The following HFM1 variants were observed in gnomAD, a reference collection of about 807,000 sequenced individuals.
HFM1 encodes the protein probable ATP-dependent DNA helicase HFM1.
A neutral mutation model predicts 192.1 loss-of-function variants in HFM1; 169 were observed. That is an observed-to-expected ratio of 0.88 (90% CI 0.78 to 1.00). The LOEUF (loss-of-function observed/expected upper bound fraction) is 1.00, where lower values mean the gene tolerates loss of function less well. HFM1 is among the 50% of genes least tolerant of loss of function. The pLI, the probability that HFM1 is intolerant of heterozygous loss-of-function variation, is 0.00. For synonymous variants in HFM1, 525 were observed against 537.8 expected, an observed-to-expected ratio of 0.98 and a Z score of 0.33; for missense variants, 1,661 against 1,668.0, an observed-to-expected ratio of 1.00 and a Z score of 0.07.
rs761460558 is a variant in HFM1 at position 91,378,381 on chromosome 1, T to G, written c.1236+22A>C. On this transcript the variant is annotated intron_variant, in intron 10 of 38. Coordinates refer to ENST00000370425, the MANE Select transcript of HFM1 (RefSeq NM_001017975.6). ...CTAATTATCCTTTTATGTTTATCTC[T>G]GAAAGCGAATGCATTCATTACCTCA... The G allele has an allele frequency of 5.8e-6, 9 of 1,538,550 alleles. No individual in the cohort carries two copies. The Admixed American group carries it at 1.5e-4, about 26-fold the overall frequency.
At chr1:91,350,404 G>T (rs1417522149) in intron 18 of HFM1, among the ~76,000 whole-genome samples, 1 of 152,002 alleles carries the variant, frequency 6.6e-6, no homozygotes, top group Non-Finnish European at 1.5e-5. Context: ...GTGAGTAGCT[G>T]AACACTAAGT....
At chr1:91,320,459 G>T (rs1030651769) in intron 23 of HFM1, among the ~76,000 whole-genome samples, 8 of 152,250 alleles carry the variant, frequency 5.3e-5, no homozygotes, top group African/African-American at 1.4e-4. Context: ...TGTAAATGGG[G>T]TGCTTTTAAA....
At chr1:91,275,338 CTCAA>C (rs1241670325) in intron 32 of HFM1, among the ~76,000 whole-genome samples, 2 of 152,142 alleles carry the variant, frequency 1.3e-5, no homozygotes, top group East Asian at 1.9e-4. Flanking sequence ...ACTACACCTT[CTCAA>C]TCAAAGATCT....
At chr1:91,356,854 C>T (rs562017813) in intron 13 of HFM1, among the ~76,000 whole-genome samples, 1 of 152,158 alleles carries the variant, frequency 6.6e-6, no homozygotes, top group African/African-American at 2.4e-5. Flanking sequence ...GGATAACCTA[C>T]AGGAAATGGA....
At chr1:91,400,358 G>C (rs1664164569) in intron 2 of HFM1, among the ~76,000 whole-genome samples, 1 of 152,144 alleles carries the variant, frequency 6.6e-6, no homozygotes. Context: ...TCTGTTTCCA[G>C]ATGGTGACGT....
chr1:91,304,903 T>C (rs751485031), intron 30 of HFM1, among the ~76,000 whole-genome samples: 3 of 152,184 alleles, frequency 2.0e-5, no homozygotes, highest in Non-Finnish European at 4.4e-5. Flanking sequence ...CCCAGCCCTA[T>C]TACTTGAAAA....
At chr1:91,332,028 C>A (rs1439979557) in intron 20 of HFM1, among the ~76,000 whole-genome samples, 1 of 152,064 alleles carries the variant, frequency 6.6e-6, no homozygotes, top group Non-Finnish European at 1.5e-5. Context: ...TTCCATATTA[C>A]CCAAAGTAAT....
rs200685742 is a variant in HFM1 at position 91,323,140 on chromosome 1, C to A, written c.2487G>T (p.Lys829Asn). ...CTTTGTTCAAAGTATTCAGTGTTTT[C>A]TTTTCATTTATCCTTAACTGTATAT... is the stretch of plus-strand genomic sequence containing the variant. ...FLDIQLRINE[K>N]KTLNTLNKDP... The change falls in exon 22 of 39, where the codon AAG (lysine) becomes AAT (asparagine). Residue 829 changes from lysine (K) to asparagine (N), a missense_variant. Coordinates refer to ENST00000370425, the MANE Select transcript of HFM1 (RefSeq NM_001017975.6). The A allele has an allele frequency of 6.3e-6, 10 of 1,595,052 alleles. No individual in the cohort carries two copies. In the African/African-American group the frequency reaches 1.3e-4, roughly 21 times the overall value.
rs557206287 is a variant in HFM1, at chr1:91,385,674, C to A, written c.655G>T (p.Val219Leu). 2 of 1,611,704 alleles carry A rather than the reference C, an allele frequency of 1.2e-6. No homozygotes were observed. Among genetic ancestry groups the A allele is most frequent in the East Asian group, 4.5e-5 (2 of 44,822 alleles). ...GAAAAAGCATTATTTGCTGTAAACA[C>A]ATTTGCAGAATACTGAAATTTTTGC... ...SKQKFQYSAN[V>L]FTANNAFSAS... Residue 219 changes from valine to leucine, a missense_variant, in exon 5 of 39, where the codon GTG becomes TTG. Physicochemically the swap from Val to Leu is conservative, Grantham distance 32. Coordinates refer to ENST00000370425, the MANE Select transcript of HFM1 (RefSeq NM_001017975.6).
chr1:91,315,920 C>A lies in HFM1; in HGVS notation c.3035G>T (p.Arg1012Ile). The A allele has an allele frequency of 6.3e-7, 1 of 1,599,484 alleles. No individual in the cohort carries two copies. The highest frequency in any genetic ancestry group is 8.6e-7 in the Non-Finnish European group (1 of 1,167,326). ...TAEILVTVIL[R>I]NFEQLQTKRT... is the part of the protein sequence containing the mutation. ...TTTAGTTTGTAGCTGTTCAAAATTT[C>A]TTAATATAACAGTCACTAATATTTC... Residue 1012 changes from arginine to isoleucine, a missense_variant, in exon 28 of 39, where the codon AGA (arginine) becomes ATA (isoleucine). Physicochemically the swap from Arg to Ile is moderately conservative, Grantham distance 97. Transcript: ENST00000370425.
At chr1:91,353,711 A>T (rs543268487) in intron 13 of HFM1, among the ~76,000 whole-genome samples, 6 of 150,934 alleles carry the variant, frequency 4.0e-5, no homozygotes, top group African/African-American at 1.2e-4. Context: ...GCTCTGAGAC[A>T]TGGCATTTAA....
intron 20 of HFM1, chr1:91,329,182 C>G: frequency 6.2e-7 from 1 of 1,610,150 alleles, no homozygotes; most frequent in Non-Finnish European, 8.5e-7. Context: ...AACAAGTACC[C>G]TTTGCCAGAA....
chr1:91,370,511 G>T (rs1660035551), intron 13 of HFM1, among the ~76,000 whole-genome samples: 1 of 152,160 alleles, frequency 6.6e-6, no homozygotes, highest in Non-Finnish European at 1.5e-5. Context: ...CTCAATAGAT[G>T]CAGAAAAGGC....
intron 30 of HFM1, among the ~76,000 whole-genome samples, chr1:91,291,402 C>T (rs1668734835): frequency 1.3e-5 from 2 of 152,056 alleles, no homozygotes; most frequent in African/African-American, 4.8e-5. Flanking sequence ...TACAAACTAC[C>T]ATCAGATAAT....
chr1:91,395,625 T>G (rs1187388125), intron 3 of HFM1, among the ~76,000 whole-genome samples: 1 of 152,014 alleles, frequency 6.6e-6, no homozygotes, highest in Non-Finnish European at 1.5e-5. Context: ...TGGTGAGCAC[T>G]CTTTTTAATA....
intron 16 of HFM1, among the ~76,000 whole-genome samples, chr1:91,351,898 T>G (rs1311898895): frequency 6.6e-6 from 1 of 152,164 alleles, no homozygotes; most frequent in Admixed American, 6.5e-5. Context: ...CAAACTTTGG[T>G]AACTGTATAA....
chr1:91,398,245 CT>C (rs1663907793), intron 2 of HFM1, among the ~76,000 whole-genome samples: 2 of 152,140 alleles, frequency 1.3e-5, no homozygotes, highest in Non-Finnish European at 2.9e-5. Flanking sequence ...AAAATCAAAT[CT>C]TCCTTATAAT....
Position 91,343,491 on chromosome 1 carries a change from C to A in HFM1, c.2274G>T (p.Leu758=). 2 of 1,398,586 alleles carry A rather than the reference C, an allele frequency of 1.4e-6. No homozygotes were observed. Among genetic ancestry groups the A allele is most frequent in the Non-Finnish European group, 9.8e-7 (1 of 1,015,996 alleles). 86.6% of individuals were successfully genotyped at this position (1,398,586 alleles called of 1,614,324 possible). Residue 758 remains leucine, a synonymous_variant, in exon 20 of 39, where the codon CTG becomes CTT. Coordinates refer to ENST00000370425, the MANE Select transcript of HFM1 (RefSeq NM_001017975.6). ...AKLQELCLKN[L]NDLSSLDLIK... is the part of the protein sequence containing the mutation. The stretch of plus-strand genomic sequence containing the variant: ...TTAAGTCCAGGGATGATAAATCATT[C>A]AGATTCTTCAAACATAATTCTGTTT...
intron 20 of HFM1, chr1:91,328,542 G>A: frequency 4.3e-6 from 7 of 1,612,618 alleles, no homozygotes; most frequent in Non-Finnish European, 5.9e-6. Context: ...ATGTGCTGCA[G>A]AACGAGGAGG....
Sources: gnomAD v4.1 joint callset for allele counts (sites outside exome capture counted in the v4.1 genomes callset) on GRCh38, gnomAD v4.1.1 for gene constraint, MANE v1.5 for transcripts, NCBI Gene and HGNC (gene_info 2026-07-23, HGNC 2026-07-21) for gene names.